Variants in ADISSP observed in about 807,000 individuals in gnomAD.
ADISSP encodes the protein adipose secreted signaling protein.
the ADISSP span, among the ~76,000 whole-genome samples, chr20:3,760,819 C>T: frequency 6.6e-5 from 10 of 152,194 alleles, no homozygotes; most frequent in East Asian, 1.9e-4. Flanking sequence ...AGCTCCCCAA[C>T]GGCAGCCTCA....
At chr20:3,756,943 T>C in the ADISSP span, among the ~76,000 whole-genome samples, 1 of 152,072 alleles carries the variant, frequency 6.6e-6, no homozygotes, top group Non-Finnish European at 1.5e-5. Flanking sequence ...CAAAAACCAG[T>C]GTGGACACGG....
chr20:3,757,682 G>A, the ADISSP span, among the ~76,000 whole-genome samples: 1 of 152,154 alleles, frequency 6.6e-6, no homozygotes, highest in East Asian at 1.9e-4. Context: ...AGGCTGGAGT[G>A]CAGTGGCACA....
At chr20:3,768,011 G>A in the ADISSP span, 242 of 152,446 alleles carry the variant, frequency 1.6e-3, 1 homozygote, top group African/African-American at 5.7e-3. Context: ...ACTCGAAGAG[G>A]GAGAAGGAGG....
At chr20:3,755,302 G>A in the ADISSP span, 6 of 631,924 alleles carry the variant, frequency 9.5e-6, no homozygotes, top group Non-Finnish European at 1.7e-5. Context: ...AGGACAGGGA[G>A]CAAGGCCTGG....
the ADISSP span, among the ~76,000 whole-genome samples, chr20:3,761,951 GA>G: frequency 1.3e-5 from 2 of 152,212 alleles, no homozygotes; most frequent in African/African-American, 4.8e-5. Context: ...CAGGATGACT[GA>G]CCTGTTTTTT....
chr20:3,757,928 C>T, the ADISSP span, among the ~76,000 whole-genome samples: 7 of 152,068 alleles, frequency 4.6e-5, no homozygotes, highest in Non-Finnish European at 1.0e-4. Context: ...CAAGGGCACT[C>T]CTGTTCAACT....
At chr20:3,759,997 C>T in the ADISSP span, 18 of 1,599,708 alleles carry the variant, frequency 1.1e-5, no homozygotes, top group East Asian at 8.9e-5. This position sits in a 1 kb window ranked among gnomAD's most constrained non-coding sequence, Gnocchi z 4.6. Flanking sequence ...ACAGGTGGTG[C>T]GGGCCCTACC....
chr20:3,761,348 T>C, the ADISSP span, among the ~76,000 whole-genome samples: 1,173 of 151,676 alleles, frequency 7.7e-3, 28 homozygotes, highest in Admixed American at 0.054. Context: ...TTTTTTTTTT[T>C]TTCTGAGACG....
chr20:3,759,786 C>A, the ADISSP span, among the ~76,000 whole-genome samples: 2 of 152,178 alleles, frequency 1.3e-5, no homozygotes, highest in Non-Finnish European at 2.9e-5. This position sits in a 1 kb window ranked among gnomAD's most constrained non-coding sequence, Gnocchi z 4.6. Context: ...CCATAAGCCC[C>A]TCGGCTCCCC....
chr20:3,757,681 T>C, the ADISSP span, among the ~76,000 whole-genome samples: 1 of 152,058 alleles, frequency 6.6e-6, no homozygotes, highest in Non-Finnish European at 1.5e-5. Flanking sequence ...CAGGCTGGAG[T>C]GCAGTGGCAC....
At chr20:3,756,627 GC>G in the ADISSP span, among the ~76,000 whole-genome samples, 1 of 152,142 alleles carries the variant, frequency 6.6e-6, no homozygotes, top group Non-Finnish European at 1.5e-5. Flanking sequence ...CAATCCATGT[GC>G]CCCCCTCATG....
chr20:3,768,337 G>C, the ADISSP span: 2 of 152,606 alleles, frequency 1.3e-5, no homozygotes, highest in African/African-American at 4.8e-5. Flanking sequence ...CCCCCGTGCG[G>C]GCCCGAGACG....
the ADISSP span, chr20:3,754,265 C>T: frequency 1.4e-6 from 2 of 1,468,214 alleles, no homozygotes; most frequent in Non-Finnish European, 1.9e-6. Flanking sequence ...GAGGTAGGGA[C>T]CTGCCAAGGA....
At chr20:3,766,315 G>T in the ADISSP span, among the ~76,000 whole-genome samples, 1 of 152,252 alleles carries the variant, frequency 6.6e-6, no homozygotes, top group Non-Finnish European at 1.5e-5. Context: ...GGAAAGGCAA[G>T]GCTGGAGGTC....
At chr20:3,755,187 T>C in the ADISSP span, among the ~76,000 whole-genome samples, 4 of 152,100 alleles carry the variant, frequency 2.6e-5, no homozygotes, top group Admixed American at 6.5e-5. Context: ...GGCTGGAGGC[T>C]TCAAACCAGT....
the ADISSP span, among the ~76,000 whole-genome samples, chr20:3,764,331 C>T: frequency 6.6e-6 from 1 of 152,204 alleles, no homozygotes; most frequent in Non-Finnish European, 1.5e-5. Context: ...TAAACTGCAC[C>T]AGTGGCTGGT....
At chr20:3,762,517 C>T in the ADISSP span, among the ~76,000 whole-genome samples, 1 of 152,130 alleles carries the variant, frequency 6.6e-6, no homozygotes, top group African/African-American at 2.4e-5. Flanking sequence ...ACCACAGCCA[C>T]GCACCACCAT....
At chr20:3,757,764 G>A in the ADISSP span, among the ~76,000 whole-genome samples, 3 of 152,182 alleles carry the variant, frequency 2.0e-5, no homozygotes, top group Non-Finnish European at 4.4e-5. Context: ...AAGTAGCTGG[G>A]ACTACAGGCG....
the ADISSP span, chr20:3,755,290 T>C: frequency 1.6e-6 from 1 of 607,932 alleles, no homozygotes; most frequent in Non-Finnish European, 2.9e-6. Context: ...GGACTTCTGT[T>C]CAGGACAGGG....
Sources: allele counts gnomAD v4.1 joint callset (sites outside exome capture counted in the v4.1 genomes callset), GRCh38; gene constraint gnomAD v4.1.1; non-coding constraint Gnocchi (gnomAD v3.1); transcripts MANE v1.5; gene names NCBI Gene and HGNC (gene_info 2026-07-23, HGNC 2026-07-21).